Variants in CLSTN2 observed in about 807,000 individuals in gnomAD.
The protein encoded by CLSTN2 is calsyntenin-2.
A neutral mutation model predicts 101.2 loss-of-function variants in CLSTN2; 48 were observed. The observed-to-expected ratio is 0.47, with a 90% confidence interval of 0.38 to 0.60. CLSTN2 has a LOEUF of 0.60. CLSTN2 is among the 20% of genes least tolerant of loss of function. The pLI is 0.00. For synonymous variants in CLSTN2, 481 were observed against 463.6 expected, an observed-to-expected ratio of 1.04 and a Z score of -0.48; for missense variants, 1,160 against 1,238.2, an observed-to-expected ratio of 0.94 and a Z score of 0.95.
chr3:140,296,744 G>A lies in CLSTN2; in HGVS notation c.233-106885G>A, dbSNP rs531104409. Among the ~76,000 whole-genome samples the A allele has an allele frequency of 2.6e-5, 4 of 152,316 alleles. No homozygotes were observed. In the East Asian group the frequency reaches 7.7e-4, roughly 29 times the overall value. ...GGCTCCGACCATCTGTCCCTTTAGG[G>A]CTGGGTTTTACTATTTCTAATCATA... On this transcript the variant is annotated intron_variant, in intron 2 of 16. Transcript: ENST00000458420.
At chr3:140,349,418 T>C (rs111673279) in intron 2 of CLSTN2, among the ~76,000 whole-genome samples, 3,857 of 152,312 alleles carry the variant, frequency 0.025, 156 homozygotes, top group African/African-American at 0.088. Flanking sequence ...AGGAAGTTAG[T>C]ATAGGAATAA....
chr3:140,098,620 T>G (rs907191783), intron 1 of CLSTN2, among the ~76,000 whole-genome samples: 2 of 152,238 alleles, frequency 1.3e-5, no homozygotes, highest in Non-Finnish European at 2.9e-5. Flanking sequence ...GGCTGGAGAT[T>G]TTATTCATTC....
intron 1 of CLSTN2, among the ~76,000 whole-genome samples, chr3:139,993,803 G>A (rs1464257814): frequency 6.6e-6 from 1 of 152,064 alleles, no homozygotes; most frequent in Non-Finnish European, 1.5e-5. Flanking sequence ...TGACAAACGG[G>A]TATAAAAATA....
intron 1 of CLSTN2, among the ~76,000 whole-genome samples, chr3:140,137,610 T>C (rs1219101517): frequency 6.6e-6 from 1 of 152,198 alleles, no homozygotes; most frequent in Non-Finnish European, 1.5e-5. Context: ...AATGACGAGA[T>C]TTGAATGTGT....
chr3:140,427,550 A>G (rs2107995647), intron 5 of CLSTN2, among the ~76,000 whole-genome samples: 1 of 152,148 alleles, frequency 6.6e-6, no homozygotes, highest in East Asian at 1.9e-4. Flanking sequence ...GGTATGTGCT[A>G]GAGATGGAGA....
At chr3:140,278,682 G>A (rs770117123) in intron 2 of CLSTN2, among the ~76,000 whole-genome samples, 12 of 152,250 alleles carry the variant, frequency 7.9e-5, no homozygotes, top group Admixed American at 2.0e-4. Context: ...TGTGCAACTC[G>A]CACATCACAG....
chr3:140,137,705 G>A (rs1218770362), intron 1 of CLSTN2, among the ~76,000 whole-genome samples: 1 of 152,132 alleles, frequency 6.6e-6, no homozygotes, highest in Non-Finnish European at 1.5e-5. Flanking sequence ...ATAATGCTTT[G>A]CCGTTTACAA....
intron 1 of CLSTN2, among the ~76,000 whole-genome samples, chr3:140,106,497 C>T (rs976950810): frequency 1.3e-5 from 2 of 152,174 alleles, no homozygotes; most frequent in East Asian, 3.9e-4. Flanking sequence ...TTGTTGTTTC[C>T]AGAATCCTAT....
chr3:140,421,841 T>G (rs1478297007), intron 5 of CLSTN2, among the ~76,000 whole-genome samples: 1 of 152,174 alleles, frequency 6.6e-6, no homozygotes, highest in African/African-American at 2.4e-5. Flanking sequence ...GGAAACTAAA[T>G]GCTTAGGTCA....
At chr3:140,023,563 G>C (rs1180924797) in intron 1 of CLSTN2, among the ~76,000 whole-genome samples, 1 of 152,082 alleles carries the variant, frequency 6.6e-6, no homozygotes. Flanking sequence ...TCTGAGCCTG[G>C]TTCCCTATTT....
At chr3:140,205,544 G>GA (rs1419642219) in intron 2 of CLSTN2, among the ~76,000 whole-genome samples, 1 of 146,424 alleles carries the variant, frequency 6.8e-6, no homozygotes, top group Non-Finnish European at 1.5e-5. Flanking sequence ...CTGGAGAGCA[G>GA]AAAAAATTAG....
intron 1 of CLSTN2, among the ~76,000 whole-genome samples, chr3:140,092,360 C>T (rs1009200243): frequency 2.0e-5 from 3 of 152,198 alleles, no homozygotes; most frequent in African/African-American, 4.8e-5. Flanking sequence ...CAGTCCTGGG[C>T]ACAGAGAACT....
intron 2 of CLSTN2, among the ~76,000 whole-genome samples, chr3:140,375,087 G>A (rs2087902278): frequency 6.6e-6 from 1 of 152,162 alleles, no homozygotes. Context: ...AATGCTCTTT[G>A]TTGCTCACAA....
intron 2 of CLSTN2, among the ~76,000 whole-genome samples, chr3:140,324,609 T>C (rs140284420): frequency 6.6e-6 from 1 of 152,274 alleles, no homozygotes; most frequent in Non-Finnish European, 1.5e-5. Context: ...ATTTGTATGA[T>C]TCACATGTTT....
intron 2 of CLSTN2, among the ~76,000 whole-genome samples, chr3:140,210,274 T>A (rs1037039258): frequency 9.2e-5 from 14 of 152,228 alleles, no homozygotes; most frequent in Admixed American, 7.9e-4. Flanking sequence ...TTATGCTTAC[T>A]AAAACCAATT....
At chr3:140,078,077 C>A (rs1425303272) in intron 1 of CLSTN2, among the ~76,000 whole-genome samples, 1 of 152,124 alleles carries the variant, frequency 6.6e-6, no homozygotes, top group Non-Finnish European at 1.5e-5. Context: ...GCAGAGGTCA[C>A]CATGTGTGCT....
In CLSTN2 at chr3:140,571,942, G is replaced by A. The variant is rs1576383028; in HGVS notation, c.*5689G>A. The A allele has an allele frequency of 6.6e-6, 1 of 152,252 alleles. No individual in the cohort carries two copies. Among genetic ancestry groups the A allele is most frequent in the Non-Finnish European group, 1.5e-5 (1 of 68,070 alleles). 9.4% of individuals were successfully genotyped at this position (152,252 alleles called of 1,614,324 possible). A position where few individuals can be genotyped will look rare whatever the true frequency, so the allele number is the denominator to read the frequency against. On this transcript the variant is annotated 3_prime_UTR_variant, in exon 17 of 17. Coordinates refer to ENST00000458420, the MANE Select transcript of CLSTN2 (RefSeq NM_022131.3). The stretch of plus-strand genomic sequence containing the variant: ...AGTAAACAGATGGGAGTCTGTGTTT[G>A]CAGCTATGTTCAGTGTAATTCAGCA...
At chr3:140,473,824 C>A (rs1190607965) in intron 8 of CLSTN2, among the ~76,000 whole-genome samples, 2 of 151,908 alleles carry the variant, frequency 1.3e-5, no homozygotes, top group African/African-American at 4.8e-5. Context: ...GTGGTGCGAT[C>A]TTGGCTCACT....
intron 1 of CLSTN2, among the ~76,000 whole-genome samples, chr3:139,971,676 C>T (rs1935707796): frequency 6.6e-6 from 1 of 152,222 alleles, no homozygotes; most frequent in Non-Finnish European, 1.5e-5. Flanking sequence ...CAGGAAGGTA[C>T]CTTGAATTCT....
Sources: allele counts gnomAD v4.1 joint callset (sites outside exome capture counted in the v4.1 genomes callset), GRCh38; gene constraint gnomAD v4.1.1; transcripts MANE v1.5; gene names NCBI Gene and HGNC (gene_info 2026-07-23, HGNC 2026-07-21).